Variants in FAM167A observed in about 807,000 individuals in gnomAD.
FAM167A encodes protein FAM167A.
FAM167A carries 23 observed loss-of-function variants against 14.9 expected under a neutral mutation model. That is an observed-to-expected ratio of 1.55 (90% CI 1.11 to 2.19). The LOEUF is 2.19. Among genes scored for constraint, FAM167A ranks in the 30% most tolerant of loss-of-function variants. The pLI, the probability that FAM167A is intolerant of heterozygous loss-of-function variation, is 0.00. For synonymous variants in FAM167A, 174 were observed against 117.7 expected (o/e 1.48, Z -3.10); for missense variants, 401 against 281.5 (o/e 1.42, Z -3.04).
rs569888800 is a variant in FAM167A, at chr8:11,422,418, G to C, written c.*1955C>G. 7.4e-5 allele frequency: 11 copies of C among 148,656 alleles called. No individual in the cohort carries two copies. The highest frequency in any genetic ancestry group is 2.7e-4 in the African/African-American group (11 of 40,876). The allele number at this position is 148,656 out of a possible 1,614,324, so 9.2% of individuals were successfully genotyped here. ...TGTGTGTGTGTGTAGGTCAGCCCGA[G>C]ACCTCAAGGGCTTATCTGGAAAGAG... On this transcript the variant is annotated 3_prime_UTR_variant, in exon 3 of 3. Coordinates refer to ENST00000284486, the MANE Select transcript of FAM167A (RefSeq NM_053279.3).
At chr8:11,462,509 G>A (rs1168163295) in intron 1 of FAM167A, among the ~76,000 whole-genome samples, 1 of 152,190 alleles carries the variant, frequency 6.6e-6, no homozygotes, top group African/African-American at 2.4e-5. Flanking sequence ...ATTGGGAAAT[G>A]GCTCCTGCAC....
At chr8:11,450,216 G>T (rs533727915) in intron 1 of FAM167A, among the ~76,000 whole-genome samples, 1 of 152,202 alleles carries the variant, frequency 6.6e-6, no homozygotes. Context: ...ATTTTCTCCT[G>T]GGGGAAGTTT....
Position 11,424,204 on chromosome 8 carries a change from G to A in FAM167A, c.*169C>T, listed in dbSNP as rs1309878631. The stretch of plus-strand genomic sequence containing the variant: ...AGAGACACTGGCATCCACACCCAGG[G>A]CCCCTGGGTGGGAGAGCACCACTGA... On this transcript the variant is annotated 3_prime_UTR_variant, in exon 3 of 3. Coordinates refer to ENST00000284486, the MANE Select transcript of FAM167A (RefSeq NM_053279.3). The A allele has an allele frequency of 2.6e-6, 2 of 766,196 alleles. No homozygotes were observed. Among genetic ancestry groups the A allele is most frequent in the Non-Finnish European group, 2.0e-6 (1 of 488,516 alleles). 47.5% of individuals were successfully genotyped at this position (766,196 alleles called of 1,614,324 possible).
rs138628802 is a variant in FAM167A at position 11,424,565 on chromosome 8, C to G, written c.453G>C (p.Leu151=). The change falls in exon 3 of 3, where the codon CTG becomes CTC. Residue 151 remains leucine, a synonymous_variant. Coordinates refer to ENST00000284486, the MANE Select transcript of FAM167A (RefSeq NM_053279.3). ...LMRLRGDINK[L]KIEHTCRLHR... ...GGAGGCGGCAGGTGTGTTCGATTTTCAGCTTGTTGATGTCGCCACGCAGGC... is the reference window on the plus strand; with the variant it reads ...GGAGGCGGCAGGTGTGTTCGATTTTGAGCTTGTTGATGTCGCCACGCAGGC... The G allele has an allele frequency of 6.0e-4, 975 of 1,614,190 alleles. 8 individuals are homozygous for G. In the African/African-American group the frequency reaches 0.011, roughly 19 times the overall value.
chr8:11,469,745 T>C (rs1585288662), upstream of FAM167A, among the ~76,000 whole-genome samples: 2 of 151,914 alleles, frequency 1.3e-5, no homozygotes, highest in African/African-American at 4.8e-5. Context: ...CAGCTGGGCA[T>C]GGTGGTACAC....
chr8:11,465,091 A>T (rs1807704489), intron 1 of FAM167A, among the ~76,000 whole-genome samples: 1 of 152,180 alleles, frequency 6.6e-6, no homozygotes. Context: ...TTCAGGTGGG[A>T]AGAATTGAGG....
At chr8:11,450,584 C>A (rs1585267258) in intron 1 of FAM167A, among the ~76,000 whole-genome samples, 2 of 152,190 alleles carry the variant, frequency 1.3e-5, no homozygotes, top group East Asian at 3.9e-4. Flanking sequence ...ACACCCAGGG[C>A]CTTTGTCAAT....
At chr8:11,444,973 C>A in intron 1 of FAM167A, 165 bp from the exon 2 acceptor site, 2 of 631,632 alleles carry the variant, frequency 3.2e-6, no homozygotes, top group Non-Finnish European at 3.9e-6. Flanking sequence ...TGCCTTAATT[C>A]AATGCAGAGA....
intron 2 of FAM167A, among the ~76,000 whole-genome samples, chr8:11,436,532 C>T (rs559932142): frequency 1.2e-4 from 19 of 152,270 alleles, no homozygotes; most frequent in African/African-American, 3.4e-4. Context: ...GAGAAGACAC[C>T]CCCTAGCAGG....
chr8:11,431,458 A>G (rs1448993763), intron 2 of FAM167A, among the ~76,000 whole-genome samples: 1 of 152,238 alleles, frequency 6.6e-6, no homozygotes, highest in Non-Finnish European at 1.5e-5. Context: ...CTCGAGATGG[A>G]TGGTGGTGAC....
Position 11,444,459 on chromosome 8 carries a change from AG to A in FAM167A, c.-49del. The A allele has an allele frequency of 1.4e-6, 2 of 1,447,072 alleles. No homozygotes were observed. The highest frequency in any genetic ancestry group is 9.1e-7 in the Non-Finnish European group (1 of 1,093,146). 89.6% of individuals were successfully genotyped at this position (1,447,072 alleles called of 1,614,324 possible). A position where few individuals can be genotyped will look rare whatever the true frequency, so the allele number is the denominator to read the frequency against. On this transcript the variant is annotated 5_prime_UTR_variant, in exon 2 of 3. An upstream open reading frame in the 5' UTR loses its in-frame stop. Coordinates refer to ENST00000284486, the MANE Select transcript of FAM167A (RefSeq NM_053279.3). ...GGACATGCGAGGGCACGGGGGGCGCAGGGGGAGGCTTGGTGGGTGGCACAGT... is the reference window on the plus strand; with the variant it reads ...GGACATGCGAGGGCACGGGGGGCGCAGGGGAGGCTTGGTGGGTGGCACAGT...
At chr8:11,443,555 C>T (rs1806569436) in intron 2 of FAM167A, 2 of 171,356 alleles carry the variant, frequency 1.2e-5, no homozygotes, top group Admixed American at 5.5e-5. Context: ...TGCACAGCCA[C>T]ACCCCAGCCA....
intron 2 of FAM167A, among the ~76,000 whole-genome samples, chr8:11,430,555 A>C (rs1290540964): frequency 6.6e-6 from 1 of 152,236 alleles, no homozygotes; most frequent in Non-Finnish European, 1.5e-5. Flanking sequence ...ATGGTATGTA[A>C]AGTTTATCTC....
At chr8:11,425,299 A>T (rs144802401) in intron 2 of FAM167A, among the ~76,000 whole-genome samples, 2 of 152,296 alleles carry the variant, frequency 1.3e-5, no homozygotes, top group Non-Finnish European at 2.9e-5. Flanking sequence ...CCCACAGCTT[A>T]TAGAGGAGGA....
Position 11,444,189 on chromosome 8 carries a change from C to A in FAM167A, c.223G>T (p.Glu75Ter), listed in dbSNP as rs764651613. The change falls in exon 2 of 3, where the codon GAG (glutamate) becomes TAG (stop). Residue 75 changes from glutamate to a stop codon, truncating the protein, a stop_gained. Coordinates refer to ENST00000284486, the MANE Select transcript of FAM167A (RefSeq NM_053279.3). LOFTEE classifies it high-confidence loss of function. ...AGCAAGGGCTCCTGCCCCCCACGCTCCCCCTCCTCCAAGCTCGCCTGTGGC... is the reference window on the plus strand; with the variant it reads ...AGCAAGGGCTCCTGCCCCCCACGCTACCCCTCCTCCAAGCTCGCCTGTGGC... The part of the protein sequence containing the change: ...AEPQASLEEG[E>*]RGGQEPLLPL... The A allele has an allele frequency of 3.1e-6, 5 of 1,613,048 alleles. No homozygotes were observed. In the South Asian group the frequency reaches 4.4e-5, roughly 14 times the overall value.
intron 2 of FAM167A, among the ~76,000 whole-genome samples, chr8:11,442,818 G>A (rs796438296): frequency 6.6e-6 from 1 of 152,106 alleles, no homozygotes; most frequent in African/African-American, 2.4e-5. Context: ...GGATATAATA[G>A]AATGGTGTGT....
chr8:11,461,533 C>T (rs1249273757), intron 1 of FAM167A, among the ~76,000 whole-genome samples: 3 of 152,192 alleles, frequency 2.0e-5, no homozygotes, highest in Non-Finnish European at 2.9e-5. Context: ...CAGCGCAGGC[C>T]GGTACCCTGG....
chr8:11,431,514 A>G (rs545569157), intron 2 of FAM167A, among the ~76,000 whole-genome samples: 25 of 152,346 alleles, frequency 1.6e-4, no homozygotes, highest in African/African-American at 5.5e-4. Flanking sequence ...TACATATAAA[A>G]TGGTACATTT....
rs1183189392 is a variant in FAM167A at position 11,444,191 on chromosome 8, CCCT to C, written c.218_220del (p.Glu73del). ...CAAGGGCTCCTGCCCCCCACGCTCCCCCTCCTCCAAGCTCGCCTGTGGCTCCGC... is the reference window on the plus strand; with the variant it reads ...CAAGGGCTCCTGCCCCCCACGCTCCCCCTCCAAGCTCGCCTGTGGCTCCGC... On this transcript the variant is annotated inframe_deletion, in exon 2 of 3. Coordinates refer to ENST00000284486, the MANE Select transcript of FAM167A (RefSeq NM_053279.3). 1 of 1,613,132 alleles carries C rather than the reference CCCT, an allele frequency of 6.2e-7. No homozygotes were observed.
Sources: allele counts gnomAD v4.1 joint callset (sites outside exome capture counted in the v4.1 genomes callset), GRCh38; gene constraint gnomAD v4.1.1; transcripts MANE v1.5; gene names NCBI Gene and HGNC (gene_info 2026-07-23, HGNC 2026-07-21).